The following ADAMTSL1 variants were observed in gnomAD, a reference collection of about 807,000 sequenced individuals.
ADAMTSL1 encodes the protein ADAMTS like 1.
Under a neutral mutation model 201.8 loss-of-function variants are expected in ADAMTSL1, and 126 were observed. The ratio of observed to expected loss-of-function variants is 0.62; its 90% CI spans 0.54 to 0.72. ADAMTSL1 has a LOEUF of 0.72. Among genes scored for constraint, ADAMTSL1 ranks in the 30% least tolerant of loss-of-function variants. The pLI is 0.00. For synonymous variants in ADAMTSL1, 1,121 were observed against 903.4 expected (o/e 1.24, Z -4.32); for missense variants, 2,679 against 2,277.8 (o/e 1.18, Z -3.59).
chr9:18,771,705 C>CTTTTTTTTTTTT (rs374268861), intron 17 of ADAMTSL1, among the ~76,000 whole-genome samples: 1 of 91,732 alleles, frequency 1.1e-5, no homozygotes, highest in African/African-American at 4.3e-5. Flanking sequence ...ACCCCAGTGC[C>CTTTTTTTTTTTT]TTTTTTTTTT....
At chr9:18,835,486 C>T (rs1452780837) in intron 23 of ADAMTSL1, among the ~76,000 whole-genome samples, 3 of 152,086 alleles carry the variant, frequency 2.0e-5, no homozygotes, top group East Asian at 1.9e-4. Flanking sequence ...CTCAACTTAC[C>T]CTTTTCTTAA....
At chr9:18,018,023 G>C (rs1049726665) in intron 1 of ADAMTSL1, among the ~76,000 whole-genome samples, 1 of 152,016 alleles carries the variant, frequency 6.6e-6, no homozygotes, top group African/African-American at 2.4e-5. Context: ...TGCAGCTAGT[G>C]ACCTCTTTTG....
intron 1 of ADAMTSL1, among the ~76,000 whole-genome samples, chr9:18,146,928 A>G (rs1435020552): frequency 1.3e-5 from 2 of 152,062 alleles, no homozygotes; most frequent in Admixed American, 1.3e-4. Context: ...TCTGTCCCAC[A>G]TTTCTAAGTG....
rs1333190739 is a variant in ADAMTSL1, at chr9:18,525,182, G to T, written c.192-8065G>T. Among the ~76,000 whole-genome samples the T allele has an allele frequency of 2.0e-5, 3 of 152,152 alleles. No individual in the cohort carries two copies. The East Asian group carries it at 5.8e-4, about 29-fold the overall frequency. ...GGTTTAGTCTTGGGAGGGTGTATGT[G>T]TCCAGGAATTTATCCACTTCTTCTA... On this transcript the variant is annotated intron_variant, in intron 2 of 28. Transcript: ENST00000380548.
intron 1 of ADAMTSL1, among the ~76,000 whole-genome samples, chr9:18,158,123 G>T (rs1827234190): frequency 6.6e-6 from 1 of 151,970 alleles, no homozygotes; most frequent in African/African-American, 2.4e-5. Context: ...CCAGTTCATT[G>T]CAGAGCTGGC....
rs566475199 is a variant in ADAMTSL1 at position 18,777,809 on chromosome 9, G to A, written c.3580G>A (p.Gly1194Arg). 1 of 1,613,596 alleles carries A rather than the reference G, an allele frequency of 6.2e-7. No homozygotes were observed. The highest frequency in any genetic ancestry group is 8.5e-7 in the Non-Finnish European group (1 of 1,179,792). Residue 1194 changes from glycine to arginine, a missense_variant, in exon 19 of 29, where the codon GGG (glycine) becomes AGG (arginine). Transcript: ENST00000380548. ...GGGGCAGACGGTGGCCCTGGCCAGC[G>A]GGACACTGAGTGTTCTTCTGCACTG... is the stretch of plus-strand genomic sequence containing the variant. ...HLGQTVALASGTLSVLLHCEA... is the reference protein window; with the variant it reads ...HLGQTVALASRTLSVLLHCEA...
intron 2 of ADAMTSL1, among the ~76,000 whole-genome samples, chr9:18,514,005 T>G (rs1006267290): frequency 4.6e-5 from 7 of 152,238 alleles, no homozygotes; most frequent in Non-Finnish European, 7.3e-5. Flanking sequence ...ATTTTAGAAC[T>G]GTTTTTTCCA....
At position 18,359,835 on chromosome 9, in the gene ADAMTSL1, G is replaced by GC. The variant is rs970903728; in HGVS notation, c.208-144991dup. ...GCCCCACCTCCCCACCCGCCCCCCC[G>GC]CCCACACAAAATGCCCCACCCCTGC... is the stretch of plus-strand genomic sequence containing the variant. On this transcript the variant is annotated intron_variant, in intron 2 of 29. Transcript: ENST00000680146. Among the ~76,000 whole-genome samples, 349 of 67,950 alleles carry GC rather than the reference G, an allele frequency of 5.1e-3. 24 individuals carry two copies. Among genetic ancestry groups the GC allele is most frequent in the Middle Eastern group, 0.03 (4 of 132 alleles). The allele number at this position is 67,950 out of a possible 152,430, so 44.6% of individuals were successfully genotyped here.
At chr9:18,363,694 C>T (rs1376047497) in intron 2 of ADAMTSL1, among the ~76,000 whole-genome samples, 1 of 152,106 alleles carries the variant, frequency 6.6e-6, no homozygotes, top group East Asian at 1.9e-4. Flanking sequence ...TAATACATAA[C>T]AAAGCCCTTC....
intron 7 of ADAMTSL1, among the ~76,000 whole-genome samples, chr9:18,639,970 C>A (rs1564109488): frequency 6.6e-6 from 1 of 152,090 alleles, no homozygotes; most frequent in East Asian, 1.9e-4. Flanking sequence ...TTTTGGGAAT[C>A]ACAATAAAAT....
At chr9:18,276,763 C>G (rs1467167916) in intron 2 of ADAMTSL1, among the ~76,000 whole-genome samples, 4 of 152,148 alleles carry the variant, frequency 2.6e-5, no homozygotes, top group African/African-American at 9.7e-5. Flanking sequence ...ACAGCCAGAT[C>G]TGGCATGAAC....
At chr9:18,088,016 C>T (rs186412881) in intron 1 of ADAMTSL1, among the ~76,000 whole-genome samples, 2 of 152,046 alleles carry the variant, frequency 1.3e-5, no homozygotes, top group South Asian at 2.1e-4. Context: ...TATTACAAAG[C>T]TATAGTAATT....
intron 1 of ADAMTSL1, among the ~76,000 whole-genome samples, chr9:17,929,392 T>G (rs372994108): frequency 6.6e-6 from 1 of 151,716 alleles, no homozygotes; most frequent in African/African-American, 2.4e-5. Context: ...TAAGAACCAA[T>G]TTTTCACCCC....
chr9:18,002,359 C>T (rs1439663952), intron 1 of ADAMTSL1, among the ~76,000 whole-genome samples: 5 of 152,086 alleles, frequency 3.3e-5, no homozygotes, highest in South Asian at 4.1e-4. Context: ...GCTAGGTGAC[C>T]TTATACTCTG....
At chr9:18,284,622 G>T (rs1313556269) in intron 2 of ADAMTSL1, among the ~76,000 whole-genome samples, 1 of 152,190 alleles carries the variant, frequency 6.6e-6, no homozygotes, top group Non-Finnish European at 1.5e-5. Flanking sequence ...ACGGCCTCAA[G>T]TAATATGTCA....
At chr9:18,212,245 C>T (rs769112905) in intron 2 of ADAMTSL1, among the ~76,000 whole-genome samples, 1 of 152,128 alleles carries the variant, frequency 6.6e-6, no homozygotes, top group Non-Finnish European at 1.5e-5. Context: ...GTTGATTGAA[C>T]AGCAAACTCA....
At chr9:17,926,739 C>A (rs1166183013) in intron 1 of ADAMTSL1, among the ~76,000 whole-genome samples, 1 of 152,086 alleles carries the variant, frequency 6.6e-6, no homozygotes, top group African/African-American at 2.4e-5. Context: ...TGGTTTCCAC[C>A]AATGAGCTTT....
intron 2 of ADAMTSL1, among the ~76,000 whole-genome samples, chr9:18,448,775 CA>C (rs1263458463): frequency 1.3e-5 from 2 of 151,652 alleles, no homozygotes; most frequent in Non-Finnish European, 2.9e-5. Context: ...AAAAAAGAAC[CA>C]AAAGTATGGC....
chr9:18,305,021 G>T (rs1833856142), intron 2 of ADAMTSL1, among the ~76,000 whole-genome samples: 1 of 152,156 alleles, frequency 6.6e-6, no homozygotes, highest in Admixed American at 6.5e-5. Flanking sequence ...GCATCTCATT[G>T]GGCCTGGTTA....
Sources: allele counts gnomAD v4.1 joint callset (sites outside exome capture counted in the v4.1 genomes callset), GRCh38; gene constraint gnomAD v4.1.1; transcripts MANE v1.5; gene names NCBI Gene and HGNC (gene_info 2026-07-23, HGNC 2026-07-21).